Variants in NCAPD3 observed in about 807,000 individuals in gnomAD.
NCAPD3 encodes condensin-2 complex subunit D3.
NCAPD3 carries 105 observed loss-of-function variants against 182.9 expected under a neutral mutation model. That is an observed-to-expected ratio of 0.57 (90% CI 0.49 to 0.68). NCAPD3 has a LOEUF of 0.68. Among genes scored for constraint, NCAPD3 ranks in the 30% least tolerant of loss-of-function variants. NCAPD3 has a pLI of 0.00. For missense variants in NCAPD3, 1,944 were observed against 1,837.0 expected (o/e 1.06, Z -1.07); for synonymous variants, 815 against 679.9 (o/e 1.20, Z -3.09).
chr11:134,161,700 C>G, intron 28 of NCAPD3, 81 bp downstream of exon 28: 1 of 819,964 alleles, frequency 1.2e-6, no homozygotes, highest in Non-Finnish European at 2.0e-6. Context: ...CACGGATTGC[C>G]TGCACTGTCA....
chr11:134,177,149 C>T (rs991354064), intron 23 of NCAPD3, 70 bp downstream of exon 23: 7 of 1,194,424 alleles, frequency 5.9e-6, no homozygotes, highest in African/African-American at 1.5e-5. Flanking sequence ...ATTTCCTATG[C>T]TACTCAAATA....
chr11:134,176,011 T>C (rs1322448093), intron 24 of NCAPD3, among the ~76,000 whole-genome samples: 3 of 151,928 alleles, frequency 2.0e-5, no homozygotes, highest in Non-Finnish European at 4.4e-5. Flanking sequence ...TACAGTGTAA[T>C]ACAGCAAGCA....
At chr11:134,157,246 C>T in intron 31 of NCAPD3, 151 bp from the exon 32 acceptor site, 1 of 562,338 alleles carries the variant, frequency 1.8e-6, no homozygotes, top group African/African-American at 1.9e-5. Flanking sequence ...GGAAGAAATA[C>T]AAATAAATGA....
intron 16 of NCAPD3, among the ~76,000 whole-genome samples, chr11:134,187,412 C>G (rs1944432829): frequency 6.6e-6 from 1 of 152,216 alleles, no homozygotes; most frequent in East Asian, 1.9e-4. Flanking sequence ...TGTGACAAAG[C>G]ATTCAAGTTG....
chr11:134,165,361 G>C (rs1943743698), intron 27 of NCAPD3, among the ~76,000 whole-genome samples: 2 of 150,828 alleles, frequency 1.3e-5, no homozygotes, highest in Non-Finnish European at 3.0e-5. Context: ...AGCTTGGGAA[G>C]GGCGCACTCG....
chr11:134,225,114 G>A, upstream of NCAPD3: 1 of 1,594,800 alleles, frequency 6.3e-7, no homozygotes, highest in Non-Finnish European at 8.6e-7. Context: ...CGCCCGGCCC[G>A]GCGGTGCGAT....
rs555654216 is a variant in NCAPD3 at position 134,171,052 on chromosome 11, T to C, written c.3102-1998A>G. On this transcript the variant is annotated intron_variant, in intron 24 of 34. Transcript: ENST00000534548. ...AGTAATGCTTCCTAGAACATTCCTTTAGAGTGACAAGAGGCAGCACTCTCT... is the reference window on the plus strand; with the variant it reads ...AGTAATGCTTCCTAGAACATTCCTTCAGAGTGACAAGAGGCAGCACTCTCT... 1.4e-4 allele frequency among the ~76,000 whole-genome samples: 21 copies of C among 152,316 alleles called. No homozygotes were observed. In the South Asian group the frequency reaches 3.1e-3, roughly 23 times the overall value.
chr11:134,204,857 G>A lies in NCAPD3; in HGVS notation c.1089+42C>T, dbSNP rs1280452911. On this transcript the variant is annotated intron_variant, in intron 9 of 34. Transcript: ENST00000534548. The surrounding 1 kb of genome is among the most constrained non-coding windows in gnomAD (Gnocchi z 4.3). ...CACACACACATTTATCTTCACACAC[G>A]ATATACTTCCATGTTATTAATATTA... is the stretch of plus-strand genomic sequence containing the variant. 7.4e-6 allele frequency: 11 copies of A among 1,477,680 alleles called. No individual in the cohort carries two copies. Among genetic ancestry groups the A allele is most frequent in the Middle Eastern group, 1.7e-4 (1 of 5,822 alleles). The allele number at this position is 1,477,680 out of a possible 1,614,324, so 91.5% of individuals were successfully genotyped here.
At chr11:134,161,672 T>C (rs1943583767) in intron 28 of NCAPD3, 109 bp downstream of exon 28, 1 of 712,186 alleles carries the variant, frequency 1.4e-6, no homozygotes, top group Non-Finnish European at 2.4e-6. Flanking sequence ...GTTTGCAGAA[T>C]TTGGGGTTCT....
chr11:134,177,591 A>G lies in NCAPD3; in HGVS notation c.2783-134T>C. The G allele has an allele frequency of 5.4e-6, 4 of 739,840 alleles. No homozygotes were observed. The South Asian group carries it at 7.4e-5, about 14-fold the overall frequency. 45.8% of individuals were successfully genotyped at this position (739,840 alleles called of 1,614,324 possible). ...AACATCATGCCCACAATCACAAACA[A>G]CAAAAAACTAAAGGCAGACAGACCC... On this transcript the variant is annotated intron_variant, in intron 22 of 34. Coordinates refer to ENST00000534548, the MANE Select transcript of NCAPD3 (RefSeq NM_015261.3).
At chr11:134,166,807 G>GA (rs1207509140) in intron 27 of NCAPD3, among the ~76,000 whole-genome samples, 3 of 107,356 alleles carry the variant, frequency 2.8e-5, no homozygotes, top group Admixed American at 8.8e-5. Context: ...GGAGCTTAGG[G>GA]GAGCTGCACA....
At position 134,206,662 on chromosome 11, in the gene NCAPD3, C is replaced by T. The variant is rs766143479; in HGVS notation, c.953G>A (p.Arg318His). The T allele has an allele frequency of 6.2e-5, 100 of 1,613,416 alleles. No individual in the cohort carries two copies. The highest frequency in any genetic ancestry group is 7.5e-5 in the Non-Finnish European group (89 of 1,179,744). The change falls in exon 8 of 35, where the codon CGT becomes CAT. Residue 318 changes from arginine to histidine, a missense_variant. Arg to His is a conservative substitution (Grantham distance 29). Around this residue, in one of 3 missense-constraint regions of NCAPD3, gnomAD observed 1,803 missense variants for 1,674.6 expected, o/e 1.08. Transcript: ENST00000534548. Reference sequence around the variant, plus strand: ...TTGGGAGGTAACAGCAAGGGGGGCACGATGGGATCCTTCACCAACTTCTAA... The same window carrying T: ...TTGGGAGGTAACAGCAAGGGGGGCATGATGGGATCCTTCACCAACTTCTAA... ...LMLEVGEGSHRAPLAVTSQVI... is the reference protein window; with the variant it reads ...LMLEVGEGSHHAPLAVTSQVI...
chr11:134,199,862 G>A (rs1332613090), intron 13 of NCAPD3, among the ~76,000 whole-genome samples: 1 of 152,116 alleles, frequency 6.6e-6, no homozygotes, highest in Non-Finnish European at 1.5e-5. Context: ...ACACAATGTG[G>A]TACATAAAGA....
intron 27 of NCAPD3, among the ~76,000 whole-genome samples, chr11:134,166,679 G>T (rs1196536880): frequency 1.7e-5 from 2 of 120,390 alleles, no homozygotes; most frequent in Non-Finnish European, 3.5e-5. Context: ...GATGAGCTTG[G>T]GGGAGGGGCA....
Position 134,180,605 on chromosome 11 carries a change from T to C in NCAPD3, c.2559+472A>G, listed in dbSNP as rs190272754. On this transcript the variant is annotated intron_variant, in intron 20 of 34. Coordinates refer to ENST00000534548, the MANE Select transcript of NCAPD3 (RefSeq NM_015261.3). ...GCTCCAAGGTCATCTGTGTTCTGAA[T>C]TGTCAAATCTCTCATTTTATTTCAG... Among the ~76,000 whole-genome samples the C allele has an allele frequency of 2.6e-5, 4 of 152,340 alleles. No individual in the cohort carries two copies. The East Asian group carries it at 5.8e-4, about 22-fold the overall frequency.
At chr11:134,189,463 G>A (rs965199812) in intron 16 of NCAPD3, among the ~76,000 whole-genome samples, 24 of 152,096 alleles carry the variant, frequency 1.6e-4, no homozygotes, top group African/African-American at 5.6e-4. Flanking sequence ...CATTCTACAA[G>A]TTTTGGCACG....
intron 14 of NCAPD3, 76 bp downstream of exon 14, chr11:134,194,589 A>G (rs1420824810): frequency 9.5e-7 from 1 of 1,056,504 alleles, no homozygotes; most frequent in Non-Finnish European, 1.4e-6. Flanking sequence ...ATATGGCCTA[A>G]GAGTTTAAAA....
chr11:134,155,050 G>A (rs997471639), intron 32 of NCAPD3, among the ~76,000 whole-genome samples: 2 of 152,140 alleles, frequency 1.3e-5, no homozygotes, highest in African/African-American at 4.8e-5. Context: ...GCCCGGGTGC[G>A]GGGGCTCTGA....
At chr11:134,160,947 G>GTT (rs112887479) in intron 28 of NCAPD3, among the ~76,000 whole-genome samples, 10 of 144,522 alleles carry the variant, frequency 6.9e-5, no homozygotes, top group African/African-American at 2.3e-4. Flanking sequence ...CTCTGTTTTT[G>GTT]TTTTTTTTTT....
Sources: gnomAD v4.1 joint callset for allele counts (sites outside exome capture counted in the v4.1 genomes callset) on GRCh38, gnomAD v4.1.1 for gene constraint, gnomAD v4.1.1 regional missense constraint, Gnocchi (gnomAD v3.1) non-coding constraint, MANE v1.5 for transcripts, NCBI Gene and HGNC (gene_info 2026-07-23, HGNC 2026-07-21) for gene names.